RBFOX1: variants seen among roughly 807,000 people sequenced by gnomAD.
RBFOX1 encodes the protein RNA binding protein fox-1 homolog 1.
In RBFOX1, 8 loss-of-function variants were observed where a neutral mutation model predicts 57.7. The ratio of observed to expected loss-of-function variants is 0.14; its 90% CI spans 0.08 to 0.25. The LOEUF is 0.25. Ranked by LOEUF, RBFOX1 falls within the 10% of genes least tolerant of loss-of-function variation. The pLI is 1.00. For synonymous variants in RBFOX1, 326 were observed against 222.4 expected, an observed-to-expected ratio of 1.47 and a Z score of -4.15; for missense variants, 611 against 548.5, an observed-to-expected ratio of 1.11 and a Z score of -1.14.
chr16:6,817,943 G>A (rs2090468776), intron 3 of RBFOX1, among the ~76,000 whole-genome samples: 1 of 152,072 alleles, frequency 6.6e-6, no homozygotes, highest in Non-Finnish European at 1.5e-5. Flanking sequence ...TCTCTCTGTT[G>A]GGCTTCAGAA....
chr16:7,409,240 A>G (rs1056476837), intron 4 of RBFOX1, among the ~76,000 whole-genome samples: 1 of 152,128 alleles, frequency 6.6e-6, no homozygotes, highest in Non-Finnish European at 1.5e-5. Context: ...TATCAGGCTG[A>G]GCCTAATGTC....
At chr16:7,188,783 G>A (rs912115230) in intron 4 of RBFOX1, among the ~76,000 whole-genome samples, 3 of 152,162 alleles carry the variant, frequency 2.0e-5, no homozygotes, top group African/African-American at 2.4e-5. Context: ...GCAAGAGCTG[G>A]TATAGGGCAT....
intron 1 of RBFOX1, among the ~76,000 whole-genome samples, chr16:6,142,762 T>C (rs58106459): frequency 0.029 from 4,364 of 152,306 alleles, 197 homozygotes; most frequent in African/African-American, 0.095. Context: ...AATTGTTCCA[T>C]ATTTTCCACT....
At chr16:6,253,976 A>T (rs1376109831) in intron 1 of RBFOX1, among the ~76,000 whole-genome samples, 1 of 152,146 alleles carries the variant, frequency 6.6e-6, no homozygotes. Flanking sequence ...CAGAACTCTT[A>T]TAAAGAACCA....
intron 1 of RBFOX1, among the ~76,000 whole-genome samples, chr16:5,310,792 T>C (rs1249931808): frequency 1.3e-5 from 2 of 152,224 alleles, no homozygotes; most frequent in African/African-American, 4.8e-5. Flanking sequence ...TGCATTATTT[T>C]TCAGAAGGAA....
At chr16:5,530,564 A>G (rs1426995970) in intron 2 of RBFOX1, among the ~76,000 whole-genome samples, 1 of 152,210 alleles carries the variant, frequency 6.6e-6, no homozygotes, top group Admixed American at 6.5e-5. Context: ...TAACATCTAC[A>G]CTGTGGACAT....
rs574755981 is a variant in RBFOX1 at position 5,385,824 on chromosome 16, A to G, written c.220-81392A>G. On this transcript the variant is annotated intron_variant, in intron 1 of 2. Coordinates refer to the RBFOX1 transcript ENST00000585867. ...CATGAATCCCTCAATCAGCACCAAT[A>G]TTGAAATTGACAAGAGGTGAATGCA... Among the ~76,000 whole-genome samples the G allele has an allele frequency of 2.0e-5, 3 of 152,324 alleles. No homozygotes were observed. The South Asian group carries it at 6.2e-4, about 32-fold the overall frequency.
chr16:6,022,514 G>A (rs2095102471), intron 1 of RBFOX1, among the ~76,000 whole-genome samples: 1 of 151,954 alleles, frequency 6.6e-6, no homozygotes, highest in Non-Finnish European at 1.5e-5. Flanking sequence ...AACCCTGTCT[G>A]TACTAAAAAT....
intron 3 of RBFOX1, among the ~76,000 whole-genome samples, chr16:6,993,475 G>T (rs1215309731): frequency 2.0e-5 from 3 of 152,150 alleles, no homozygotes; most frequent in Non-Finnish European, 4.4e-5. Context: ...GGGAGATGGG[G>T]AAAGCCATCC....
intron 3 of RBFOX1, among the ~76,000 whole-genome samples, chr16:6,887,816 C>T (rs1290331134): frequency 6.6e-6 from 1 of 152,042 alleles, no homozygotes; most frequent in Non-Finnish European, 1.5e-5. Context: ...GCACTCGTCA[C>T]CACACCTGGC....
In RBFOX1 at chr16:7,450,700, T is replaced by C. The variant is rs922805569; in HGVS notation, c.28-67447T>C. 2.0e-5 allele frequency among the ~76,000 whole-genome samples: 3 copies of C among 152,118 alleles called. No homozygotes were observed. The South Asian group carries it at 6.2e-4, about 31-fold the overall frequency. Reference sequence around the variant, plus strand: ...AGGGTGTTGGCATCTATTAATCACCTACTGGGCGCCAGGCATGGATGCTAA... The same window carrying C: ...AGGGTGTTGGCATCTATTAATCACCCACTGGGCGCCAGGCATGGATGCTAA... On this transcript the variant is annotated intron_variant, in intron 4 of 15. Coordinates refer to ENST00000550418, the MANE Select transcript of RBFOX1 (RefSeq NM_018723.4).
chr16:7,153,385 C>G (rs993326320), intron 4 of RBFOX1, among the ~76,000 whole-genome samples: 1 of 152,054 alleles, frequency 6.6e-6, no homozygotes, highest in Non-Finnish European at 1.5e-5. Context: ...TCTTTCCTTC[C>G]TGTCCCACCT....
intron 13 of RBFOX1, among the ~76,000 whole-genome samples, chr16:7,669,279 C>G (rs772477103): frequency 6.7e-6 from 1 of 148,334 alleles, no homozygotes; most frequent in Non-Finnish European, 1.5e-5. Flanking sequence ...TGAACCAAGA[C>G]ATCTGTTGGT....
At chr16:7,281,226 C>T (rs1447781939) in intron 4 of RBFOX1, among the ~76,000 whole-genome samples, 2 of 151,844 alleles carry the variant, frequency 1.3e-5, no homozygotes, top group African/African-American at 2.4e-5. Context: ...TGGTCTCAGA[C>T]TCCTGAACTT....
intron 1 of RBFOX1, among the ~76,000 whole-genome samples, chr16:6,228,428 GAC>G (rs3064940): frequency 0.96 from 145,694 of 151,320 alleles, 70,339 homozygotes; most frequent in Non-Finnish European, 1. Context: ...CACACACACA[GAC>G]ACACACACAC....
chr16:7,210,035 A>G (rs977776381), intron 4 of RBFOX1, among the ~76,000 whole-genome samples: 5 of 152,240 alleles, frequency 3.3e-5, no homozygotes, highest in Non-Finnish European at 7.3e-5. Context: ...AACCAGGGAT[A>G]GCGACGCTCA....
intron 2 of RBFOX1, among the ~76,000 whole-genome samples, chr16:5,472,277 C>T (rs1258515120): frequency 2.0e-5 from 3 of 152,236 alleles, no homozygotes; most frequent in African/African-American, 7.2e-5. Context: ...GGAGGAGGGC[C>T]TGGCATTGCT....
At chr16:6,016,268 T>A (rs1056750593), upstream of RBFOX1, among the ~76,000 whole-genome samples, 10 of 151,894 alleles carry the variant, frequency 6.6e-5, no homozygotes, top group African/African-American at 2.4e-4. Flanking sequence ...TATGGGGGGC[T>A]GGGTAGGGAG....
At chr16:7,670,277 C>T (rs1023994610) in intron 13 of RBFOX1, among the ~76,000 whole-genome samples, 8 of 152,208 alleles carry the variant, frequency 5.3e-5, no homozygotes, top group Non-Finnish European at 8.8e-5. Context: ...AGTGATCCAG[C>T]TGCCTTGGCC....
Sources: gnomAD v4.1 joint callset for allele counts (sites outside exome capture counted in the v4.1 genomes callset) on GRCh38, gnomAD v4.1.1 for gene constraint, MANE v1.5 for transcripts, NCBI Gene and HGNC (gene_info 2026-07-23, HGNC 2026-07-21) for gene names.